PRRG4: variants seen among roughly 807,000 people sequenced by gnomAD.
The protein encoded by PRRG4 is proline rich and Gla domain 4, also known as transmembrane gamma-carboxyglutamic acid protein 4.
Under a neutral mutation model 20.0 loss-of-function variants are expected in PRRG4, and 12 were observed. The ratio of observed to expected loss-of-function variants is 0.60; its 90% confidence interval spans 0.38 to 0.97. PRRG4 has a LOEUF of 0.97. PRRG4 is among the 50% of genes least tolerant of loss of function. The probability of loss-of-function intolerance (pLI) is 0.00; values close to 1 mark genes in which losing one functional copy is unlikely to be tolerated. For synonymous variants in PRRG4, 94 were observed against 96.4 expected (o/e 0.98, Z 0.15); for missense variants, 199 against 265.1 (o/e 0.75, Z 1.73).
intron 4 of PRRG4, among the ~76,000 whole-genome samples, chr11:32,839,658 GTATTATATTTTGAATATTATTAAAATA>G (rs1851056976): frequency 1.6e-5 from 2 of 128,414 alleles, no homozygotes; most frequent in African/African-American, 6.1e-5. Context: ...TAAAATATAA[GTATTATATTTTGAATATTATTAAAATA>G]TAAGTATTAT....
rs753846174 is a variant in PRRG4, at chr11:32,840,197, A to G, written c.407A>G (p.Tyr136Cys). ...TTGGTTATTTTTGGATTACTTGGCT[A>G]CTATCTTTGTATCACTAAGTGTAAT... ...VFLVIFGLLGYYLCITKCNRL... is the reference protein window; with the variant it reads ...VFLVIFGLLGCYLCITKCNRL... The change falls in exon 5 of 6, where the codon TAC becomes TGC. Residue 136 changes from tyrosine to cysteine, a missense_variant. Physicochemically the swap from Tyr to Cys is radical, Grantham distance 194. Coordinates refer to ENST00000257836, the MANE Select transcript of PRRG4 (RefSeq NM_024081.6). This position sits in a 1 kb window ranked among gnomAD's most constrained non-coding sequence, Gnocchi z 4.1. 3 of 1,607,848 alleles carry G rather than the reference A, an allele frequency of 1.9e-6. No individual in the cohort carries two copies. Among genetic ancestry groups the G allele is most frequent in the Non-Finnish European group, 2.6e-6 (3 of 1,174,760 alleles).
chr11:32,830,361 G>C (rs1162598006), intron 1 of PRRG4, 147 bp from the exon 2 acceptor site: 2 of 827,692 alleles, frequency 2.4e-6, no homozygotes, highest in Non-Finnish European at 3.4e-6. Context: ...TCCTGGGCGC[G>C]CGTCGGGTTC....
chr11:32,837,202 C>T (rs892601438), intron 3 of PRRG4, among the ~76,000 whole-genome samples: 1 of 152,118 alleles, frequency 6.6e-6, no homozygotes, highest in African/African-American at 2.4e-5. Context: ...AGGCTTCAAT[C>T]ATTTATGACT....
chr11:32,846,974 G>A (rs936707390), intron 5 of PRRG4, among the ~76,000 whole-genome samples: 1 of 148,958 alleles, frequency 6.7e-6, no homozygotes, highest in African/African-American at 2.5e-5. Context: ...CTCCAGCCTG[G>A]CAACAGAACG....
intron 5 of PRRG4, among the ~76,000 whole-genome samples, chr11:32,847,860 C>T (rs1851145061): frequency 1.3e-5 from 2 of 152,082 alleles, no homozygotes; most frequent in Non-Finnish European, 2.9e-5. Flanking sequence ...AAACATGATA[C>T]CAAGTGAAAG....
intron 5 of PRRG4, among the ~76,000 whole-genome samples, chr11:32,850,741 C>T (rs1428740005): frequency 6.6e-6 from 1 of 152,130 alleles, no homozygotes; most frequent in South Asian, 2.1e-4. Flanking sequence ...AAAATAAGAT[C>T]ATCGTCAGAA....
At chr11:32,837,522 TGATGATGATGATGATG>T (rs1851032142) in intron 3 of PRRG4, among the ~76,000 whole-genome samples, 13 of 108,630 alleles carry the variant, frequency 1.2e-4, no homozygotes, top group African/African-American at 4.3e-4. Context: ...ATGATGATGA[TGATGATGATGATGATG>T]ATGATTATTA....
rs551417600 is a variant in PRRG4, at chr11:32,831,336, G to T, written c.103+704G>T. On this transcript the variant is annotated intron_variant, in intron 2 of 5. Transcript: ENST00000257836. ...TATTCATGGTGCTTCCCCACTCAGT[G>T]TCAGTACTCTGGATCCACGTCCCCA... Among the ~76,000 whole-genome samples, 7 of 152,260 alleles carry T rather than the reference G, an allele frequency of 4.6e-5. No individual in the cohort carries two copies. In the South Asian group the frequency reaches 1.2e-3, roughly 27 times the overall value.
intron 1 of PRRG4, 106 bp downstream of exon 1, chr11:32,830,279 G>A: frequency 1.1e-6 from 1 of 931,826 alleles, no homozygotes; most frequent in Admixed American, 4.0e-5. Context: ...TGCCCGCGGC[G>A]ACAGGTGCCC....
intron 5 of PRRG4, among the ~76,000 whole-genome samples, chr11:32,847,446 C>T (rs1192864951): frequency 6.6e-6 from 1 of 152,070 alleles, no homozygotes; most frequent in East Asian, 1.9e-4. Context: ...TGGCATGCAC[C>T]TGTAATTCCA....
In PRRG4 at chr11:32,830,118, G is replaced by GC; in HGVS notation, c.-74dup. On this transcript the variant is annotated 5_prime_UTR_variant, in exon 1 of 6. Coordinates refer to ENST00000257836, the MANE Select transcript of PRRG4 (RefSeq NM_024081.6). ...CGAGGGCCTGGCGGCCGAAGGAACCGCCCCAAGAAGAGCCTCTGGCCCGGG... is the reference window on the plus strand; with the variant it reads ...CGAGGGCCTGGCGGCCGAAGGAACCGCCCCCAAGAAGAGCCTCTGGCCCGGG... 1.0e-6 allele frequency: 1 copy of GC among 995,304 alleles called. No individual in the cohort carries two copies. Among genetic ancestry groups the GC allele is most frequent in the Non-Finnish European group, 1.2e-6 (1 of 836,918 alleles). The allele number at this position is 995,304 out of a possible 1,614,324, so 61.7% of individuals were successfully genotyped here. A position where few individuals can be genotyped will look rare whatever the true frequency, so the allele number is the denominator to read the frequency against.
intron 5 of PRRG4, among the ~76,000 whole-genome samples, chr11:32,847,332 C>T (rs560322045): frequency 1.1e-4 from 17 of 152,006 alleles, no homozygotes; most frequent in African/African-American, 4.1e-4. Context: ...GGACATTTCT[C>T]TAAAAATATA....
intron 5 of PRRG4, among the ~76,000 whole-genome samples, chr11:32,848,628 A>G (rs1424371258): frequency 6.6e-6 from 1 of 151,506 alleles, no homozygotes; most frequent in Middle Eastern, 3.2e-3. Context: ...ATATATATAT[A>G]TGTACATACC....
rs565470761 is a variant in PRRG4 at position 32,830,407 on chromosome 11, C to G, written c.-22-101C>G. On this transcript the variant is annotated intron_variant, in intron 1 of 5. Transcript: ENST00000257836. Reference sequence around the variant, plus strand: ...AACCGCGCGCCGGGCGCTCTTGCGCCTAGGCTTTGAGTACAACAGGTTGGT... The same window carrying G: ...AACCGCGCGCCGGGCGCTCTTGCGCGTAGGCTTTGAGTACAACAGGTTGGT... 10 of 1,035,926 alleles carry G rather than the reference C, an allele frequency of 9.7e-6. No homozygotes were observed. The African/African-American group carries it at 1.7e-4, about 17-fold the overall frequency. The allele number at this position is 1,035,926 out of a possible 1,614,324, so 64.2% of individuals were successfully genotyped here.
chr11:32,836,561 C>A, intron 2 of PRRG4, 97 bp from the exon 3 acceptor site: 1 of 591,922 alleles, frequency 1.7e-6, no homozygotes, highest in South Asian at 4.4e-5. Flanking sequence ...TATAATTTAG[C>A]CACATCAAGA....
rs1554974458 is a variant in PRRG4, at chr11:32,848,971, T to TAAAA, written c.450-4314_450-4311dup. Among the ~76,000 whole-genome samples, 331 of 120,848 alleles carry TAAAA rather than the reference T, an allele frequency of 2.7e-3. 1 individual carries two copies. Among genetic ancestry groups the TAAAA allele is most frequent in the African/African-American group, 6.5e-3 (198 of 30,262 alleles). The allele number at this position is 120,848 out of a possible 152,430, so 79.3% of individuals were successfully genotyped here. A position where few individuals can be genotyped will look rare whatever the true frequency, so the allele number is the denominator to read the frequency against. ...TGGGCAACATAGTGAGACTCTGTCT[T>TAAAA]AAAAAAAAAAAAAAGAATTTAAGGC... On this transcript the variant is annotated intron_variant, in intron 5 of 5. Coordinates refer to ENST00000257836, the MANE Select transcript of PRRG4 (RefSeq NM_024081.6).
At chr11:32,844,308 A>G (rs1220533162) in intron 5 of PRRG4, among the ~76,000 whole-genome samples, 2 of 152,102 alleles carry the variant, frequency 1.3e-5, no homozygotes, top group African/African-American at 2.4e-5. Flanking sequence ...CACATGGGCT[A>G]CTGTATGAAT....
In PRRG4 at chr11:32,834,466, T is replaced by C. The variant is rs976190150; in HGVS notation, c.104-2192T>C. On this transcript the variant is annotated intron_variant, in intron 2 of 5. Transcript: ENST00000257836. Reference sequence around the variant, plus strand: ...TTTTTAAAACAACTATCACCAATTATCCCATTGTAGCTTCCTGCTTGGTTC... The same window carrying C: ...TTTTTAAAACAACTATCACCAATTACCCCATTGTAGCTTCCTGCTTGGTTC... 6.6e-5 allele frequency among the ~76,000 whole-genome samples: 10 copies of C among 152,272 alleles called. No individual in the cohort carries two copies. The South Asian group carries it at 1.7e-3, about 25-fold the overall frequency.
At chr11:32,831,938 G>C (rs1385450330) in intron 2 of PRRG4, among the ~76,000 whole-genome samples, 2 of 152,034 alleles carry the variant, frequency 1.3e-5, no homozygotes, top group Non-Finnish European at 2.9e-5. Flanking sequence ...GCAGTGAGCT[G>C]AGATCGTGCC....
Sources: allele counts gnomAD v4.1 joint callset (sites outside exome capture counted in the v4.1 genomes callset), GRCh38; gene constraint gnomAD v4.1.1; non-coding constraint Gnocchi (gnomAD v3.1); transcripts MANE v1.5; gene names NCBI Gene and HGNC (gene_info 2026-07-23, HGNC 2026-07-21).